Variants in HEBP1 observed in about 807,000 individuals in gnomAD.
The protein encoded by HEBP1 is heme binding protein 1.
HEBP1 carries 13 observed loss-of-function variants against 20.4 expected under a neutral mutation model. The observed-to-expected ratio is 0.64, with a 90% CI of 0.42 to 1.01. The LOEUF (loss-of-function observed/expected upper bound fraction) is 1.01, where lower values mean the gene tolerates loss of function less well. Ranked by LOEUF, HEBP1 falls within the 50% of genes least tolerant of loss-of-function variation. The pLI is 0.00. For synonymous variants in HEBP1, 92 were observed against 90.7 expected, an observed-to-expected ratio of 1.01 and a Z score of -0.08; for missense variants, 241 against 247.3, an observed-to-expected ratio of 0.97 and a Z score of 0.17.
chr12:12,981,014 C>T lies in HEBP1; in HGVS notation c.399-5535G>A, dbSNP rs146317359. ...CCTTAGGCAGGTGGTGATAAAAGGA[C>T]ACTTTAGAAGGGTCAGAAATGGGAG... On this transcript the variant is annotated intron_variant, in intron 3 of 3. Transcript: ENST00000014930. Among the ~76,000 whole-genome samples, 114 of 152,282 alleles carry T rather than the reference C, an allele frequency of 7.5e-4. 2 individuals are homozygous for T. Among genetic ancestry groups the T allele is most frequent in the African/African-American group, 2.5e-3 (102 of 41,542 alleles).
rs777559236 is a variant in HEBP1, at chr12:12,975,446, G to T, written c.432C>A (p.Tyr144Ter). 1 of 1,610,470 alleles carries T rather than the reference G, an allele frequency of 6.2e-7. No individual in the cohort carries two copies. The highest frequency in any genetic ancestry group is 2.2e-5 in the East Asian group (1 of 44,542). The change falls in exon 4 of 4, where the codon TAC (tyrosine) becomes TAA (stop). Residue 144 changes from tyrosine (Y) to a stop codon, truncating the protein, a stop_gained. Coordinates refer to ENST00000014930, the MANE Select transcript of HEBP1 (RefSeq NM_015987.5). LOFTEE classifies it high-confidence loss of function. ...QFGGYAKEAD[Y>*]VAQATRLRAA... ...CACGCAGACGGGTGGCTTGTGCTACGTAGTCTGCTTCCTTGGCATAACCAC... is the reference window on the plus strand; with the variant it reads ...CACGCAGACGGGTGGCTTGTGCTACTTAGTCTGCTTCCTTGGCATAACCAC...
At chr12:12,980,306 C>CA (rs1864061386) in intron 3 of HEBP1, 1 of 152,160 alleles carries the variant, frequency 6.6e-6, no homozygotes. Context: ...TGTCTTTCTA[C>CA]CCTCGAGAGC....
In HEBP1 at chr12:12,989,290, G is replaced by T. The variant is rs768219771; in HGVS notation, c.204C>A (p.Gly68=). 2.0e-5 allele frequency: 32 copies of T among 1,613,882 alleles called. No homozygotes were observed. In the South Asian group the frequency reaches 3.1e-4, roughly 16 times the overall value. The part of the protein sequence containing the change: ...AMPKVAKYAG[G]TNDKGIGMGM... ...AGGGGTACTCACCCTTGTCATTGGT[G>T]CCCCCCGCATACTTTGCGACCTTGG... Residue 68 remains glycine, a synonymous_variant, in exon 2 of 4, where the codon GGC becomes GGA. Transcript: ENST00000014930.
chr12:12,987,647 T>TCTCGC (rs1428558286), intron 2 of HEBP1, among the ~76,000 whole-genome samples: 1 of 151,604 alleles, frequency 6.6e-6, no homozygotes, highest in Non-Finnish European at 1.5e-5. Context: ...TCTTTCTTTC[T>TCTCGC]TCCGACAGTC....
chr12:12,977,244 C>T (rs763895080), intron 3 of HEBP1, among the ~76,000 whole-genome samples: 32 of 152,186 alleles, frequency 2.1e-4, no homozygotes, highest in Non-Finnish European at 3.7e-4. Flanking sequence ...CATCAATCTT[C>T]GAAGGCTACT....
At chr12:12,988,352 G>T (rs1041581346) in intron 2 of HEBP1, among the ~76,000 whole-genome samples, 11 of 152,154 alleles carry the variant, frequency 7.2e-5, no homozygotes, top group Admixed American at 7.2e-4. Context: ...AGAAGGAAAA[G>T]ATTTCTTCCT....
chr12:12,991,807 A>C (rs1014697200), intron 1 of HEBP1, among the ~76,000 whole-genome samples: 1 of 151,692 alleles, frequency 6.6e-6, no homozygotes, highest in Non-Finnish European at 1.5e-5. Context: ...CTTCTCTTCT[A>C]CTCTACTGGA....
intron 3 of HEBP1, 66 bp from the exon 4 acceptor site, chr12:12,975,545 G>GA (rs1267982175): frequency 2.1e-6 from 3 of 1,410,736 alleles, no homozygotes; most frequent in Non-Finnish European, 2.9e-6. Context: ...GGGATCTTTA[G>GA]AAAAAAGTCA....
chr12:12,987,088 T>C, intron 3 of HEBP1, 64 bp downstream of exon 3: 2 of 1,327,868 alleles, frequency 1.5e-6, no homozygotes, highest in Non-Finnish European at 2.1e-6. Flanking sequence ...TTGCCAGAGG[T>C]GATGCAAGGA....
At chr12:12,982,106 A>T (rs1864093078) in intron 3 of HEBP1, among the ~76,000 whole-genome samples, 1 of 152,190 alleles carries the variant, frequency 6.6e-6, no homozygotes, top group African/African-American at 2.4e-5. Flanking sequence ...TACAGATGTC[A>T]GCCACTGTGA....
At chr12:12,983,542 G>A in intron 3 of HEBP1, 1 of 366,048 alleles carries the variant, frequency 2.7e-6, no homozygotes, top group Non-Finnish European at 5.5e-6. Flanking sequence ...TAGTACATTT[G>A]CCTTCTACCA....
chr12:12,983,520 T>C (rs1412144156), intron 3 of HEBP1: 4 of 347,590 alleles, frequency 1.2e-5, no homozygotes, highest in Admixed American at 3.8e-5. Flanking sequence ...TAGAGTACTT[T>C]TGCATTTGAA....
intron 3 of HEBP1, 114 bp downstream of exon 3, chr12:12,987,038 T>C (rs1186630647): frequency 4.9e-6 from 4 of 808,188 alleles, no homozygotes; most frequent in Non-Finnish European, 8.1e-6. Flanking sequence ...CATTTCCTAC[T>C]TAAATTAATT....
At chr12:12,977,584 C>T (rs1449877969) in intron 3 of HEBP1, 1 of 151,994 alleles carries the variant, frequency 6.6e-6, no homozygotes, top group Non-Finnish European at 1.5e-5. Context: ...GATCCTGTCT[C>T]CAAAACAAAA....
chr12:12,981,712 T>C (rs2136540806), intron 3 of HEBP1, among the ~76,000 whole-genome samples: 1 of 152,268 alleles, frequency 6.6e-6, no homozygotes, highest in African/African-American at 2.4e-5. Context: ...CTAAAATAGT[T>C]CCTGGTACAG....
At position 13,000,212 on chromosome 12, in the gene HEBP1, G is replaced by GGCAGGGCGGCAGGGCT; in HGVS notation, c.-99_-98insAGCCCTGCCGCCCTGC. On this transcript the variant is annotated 5_prime_UTR_variant, in exon 1 of 4. Coordinates refer to ENST00000014930, the MANE Select transcript of HEBP1 (RefSeq NM_015987.5). The stretch of plus-strand genomic sequence containing the variant: ...ACCACCGGCGGCAGGGCGGCAGGGC[G>GGCAGGGCGGCAGGGCT]GCAGGGCGGCAGGGCGGCAGGGTGG... 2.6e-6 allele frequency: 1 copy of GGCAGGGCGGCAGGGCT among 390,490 alleles called. No individual in the cohort carries two copies. Among genetic ancestry groups the GGCAGGGCGGCAGGGCT allele is most frequent in the South Asian group, 6.3e-5 (1 of 15,774 alleles). 24.2% of individuals were successfully genotyped at this position (390,490 alleles called of 1,614,324 possible).
Position 12,997,182 on chromosome 12 carries a change from C to T in HEBP1, c.78+2855G>A, listed in dbSNP as rs533793504. On this transcript the variant is annotated intron_variant, in intron 1 of 3. Transcript: ENST00000014930. ...CAATATCCCATATGGCCCCATATTC[C>T]CATCAAACACTGAGAGAAGATGCTT... Among the ~76,000 whole-genome samples, 3 of 152,236 alleles carry T rather than the reference C, an allele frequency of 2.0e-5. No homozygotes were observed. In the South Asian group the frequency reaches 6.2e-4, roughly 32 times the overall value.
chr12:12,982,923 GTAT>G (rs1864105247), intron 3 of HEBP1, among the ~76,000 whole-genome samples: 1 of 152,040 alleles, frequency 6.6e-6, no homozygotes, highest in Non-Finnish European at 1.5e-5. Flanking sequence ...GTATTTACAG[GTAT>G]TATCATATTT....
Position 12,987,418 on chromosome 12 carries a change from T to C in HEBP1, c.218-86A>G, listed in dbSNP as rs1046015279. ...GGAAGACACATTAGTTCCATTCGTCTTTCAAAGTGGTATGTTTTTGTTCTT... is the reference window on the plus strand; with the variant it reads ...GGAAGACACATTAGTTCCATTCGTCCTTCAAAGTGGTATGTTTTTGTTCTT... On this transcript the variant is annotated intron_variant, in intron 2 of 3. Coordinates refer to ENST00000014930, the MANE Select transcript of HEBP1 (RefSeq NM_015987.5). The C allele has an allele frequency of 5.8e-6, 6 of 1,032,366 alleles. No individual in the cohort carries two copies. In the African/African-American group the frequency reaches 6.4e-5, roughly 11 times the overall value. 64.0% of individuals were successfully genotyped at this position (1,032,366 alleles called of 1,614,324 possible). A position where few individuals can be genotyped will look rare whatever the true frequency, so the allele number is the denominator to read the frequency against.
Sources: gnomAD v4.1 joint callset for allele counts (sites outside exome capture counted in the v4.1 genomes callset) on GRCh38, gnomAD v4.1.1 for gene constraint, MANE v1.5 for transcripts, NCBI Gene and HGNC (gene_info 2026-07-23, HGNC 2026-07-21) for gene names.